HEATR5B: variants seen among roughly 807,000 people sequenced by gnomAD.
The protein encoded by HEATR5B is HEAT repeat-containing protein 5B.
HEATR5B carries 156 observed loss-of-function variants against 224.1 expected under a neutral mutation model. The ratio of observed to expected loss-of-function variants is 0.70; its 90% CI spans 0.61 to 0.80. The LOEUF (loss-of-function observed/expected upper bound fraction) is 0.80, where lower values mean the gene tolerates loss of function less well. HEATR5B is among the 30% of genes least tolerant of loss of function. HEATR5B has a pLI of 0.00. For missense variants in HEATR5B, 2,323 were observed against 2,535.5 expected (o/e 0.92, Z 1.80); for synonymous variants, 1,027 against 893.0 (o/e 1.15, Z -2.68).
rs1222143822 is a variant in HEATR5B, at chr2:37,000,655, C to A, written c.5476G>T (p.Gly1826Cys). 1 of 1,614,070 alleles carries A rather than the reference C, an allele frequency of 6.2e-7. No individual in the cohort carries two copies. The highest frequency in any genetic ancestry group is 2.2e-5 in the East Asian group (1 of 44,896). ...VTLSMAKTEA[G>C]VQKQWTALIR... The stretch of plus-strand genomic sequence containing the variant: ...AGAGCTGTCCACTGTTTTTGAACGC[C>A]AGCCTCAGTTTTGGCCATTGAAAGT... Residue 1826 changes from glycine (G) to cysteine (C), a missense_variant, in exon 33 of 36, where the codon GGC becomes TGC. By Grantham distance (159) the Gly-to-Cys change is radical (BLOSUM62 -3). Coordinates refer to ENST00000233099, the MANE Select transcript of HEATR5B (RefSeq NM_019024.3).
chr2:37,082,513 A>ACGAAACC (rs1436564170), intron 2 of HEATR5B, among the ~76,000 whole-genome samples: 1 of 152,202 alleles, frequency 6.6e-6, no homozygotes, highest in Non-Finnish European at 1.5e-5. Flanking sequence ...GATGGCCATA[A>ACGAAACC]CGAAACCCGA....
chr2:37,046,975 G>C (rs1670239191), intron 18 of HEATR5B, among the ~76,000 whole-genome samples: 1 of 150,144 alleles, frequency 6.7e-6, no homozygotes, highest in Non-Finnish European at 1.5e-5. Context: ...ACTTGAACCT[G>C]GGAGGTGGAG....
At chr2:37,063,447 T>C (rs1671404699) in intron 10 of HEATR5B, among the ~76,000 whole-genome samples, 2 of 152,216 alleles carry the variant, frequency 1.3e-5, no homozygotes, top group African/African-American at 4.8e-5. Flanking sequence ...CAAAGGAGAT[T>C]ATATTTTACT....
At chr2:37,076,819 C>A in intron 4 of HEATR5B, 92 bp downstream of exon 4, 2 of 916,604 alleles carry the variant, frequency 2.2e-6, no homozygotes, top group Admixed American at 4.3e-5. Context: ...AATATGAGAC[C>A]ACAGTGACAG....
chr2:37,068,114 T>C (rs1558371275), intron 8 of HEATR5B, among the ~76,000 whole-genome samples: 1 of 152,160 alleles, frequency 6.6e-6, no homozygotes, highest in Non-Finnish European at 1.5e-5. Flanking sequence ...CTTTATCTCA[T>C]TCATTATTTA....
chr2:37,002,433 G>T lies in HEATR5B; in HGVS notation c.5190C>A (p.Leu1730=). ...MFILVRHMPH[L]STKVSDSPSH... ...TTGGAGAGTCTGACACCTTGGTACT[G>T]AGATGTGGCATATGCCGTACTAAAA... is the stretch of plus-strand genomic sequence containing the variant. The change falls in exon 32 of 36, where the codon CTC becomes CTA. Residue 1730 remains leucine, a synonymous_variant. Coordinates refer to ENST00000233099, the MANE Select transcript of HEATR5B (RefSeq NM_019024.3). 1 of 1,614,202 alleles carries T rather than the reference G, an allele frequency of 6.2e-7. No homozygotes were observed. Among genetic ancestry groups the T allele is most frequent in the Non-Finnish European group, 8.5e-7 (1 of 1,180,040 alleles).
chr2:37,023,368 T>C (rs545758291), intron 24 of HEATR5B, among the ~76,000 whole-genome samples: 3 of 152,330 alleles, frequency 2.0e-5, no homozygotes, highest in Non-Finnish European at 4.4e-5. Flanking sequence ...GCAGTTCCTA[T>C]TTAAAGAAGT....
At chr2:37,021,376 C>T (rs1323511376) in intron 24 of HEATR5B, among the ~76,000 whole-genome samples, 1 of 152,214 alleles carries the variant, frequency 6.6e-6, no homozygotes, top group East Asian at 1.9e-4. Flanking sequence ...CCTCCTCTCA[C>T]AAATTGCTCA....
intron 2 of HEATR5B, among the ~76,000 whole-genome samples, chr2:37,082,588 A>G (rs528570047): frequency 5.3e-4 from 80 of 152,284 alleles, no homozygotes; most frequent in African/African-American, 1.9e-3. Context: ...AAACAATACC[A>G]TGAGCGATCT....
intron 15 of HEATR5B, 60 bp downstream of exon 15, chr2:37,057,257 G>C (rs1670969452): frequency 3.1e-6 from 4 of 1,287,544 alleles, no homozygotes; most frequent in Admixed American, 5.0e-5. Flanking sequence ...AAGTGACAAT[G>C]TGTAATAGGA....
chr2:37,001,174 T>G (rs756495130), intron 32 of HEATR5B, among the ~76,000 whole-genome samples: 39 of 152,238 alleles, frequency 2.6e-4, no homozygotes, highest in Non-Finnish European at 4.9e-4. Flanking sequence ...CTGAGTAACT[T>G]CATGAGTTTT....
rs533459973 is a variant in HEATR5B at position 37,055,411 on chromosome 2, T to C, written c.2399+1029A>G. Among the ~76,000 whole-genome samples the C allele has an allele frequency of 2.1e-4, 32 of 152,306 alleles. No individual in the cohort carries two copies. In the South Asian group the frequency reaches 4.3e-3, roughly 21 times the overall value. On this transcript the variant is annotated intron_variant, in intron 16 of 35. Coordinates refer to ENST00000233099, the MANE Select transcript of HEATR5B (RefSeq NM_019024.3). ...GCTTTCATAACTAGTTGTATAACCT[T>C]GGGTAAACCAAACTCTTAGATATGG...
intron 24 of HEATR5B, among the ~76,000 whole-genome samples, chr2:37,024,420 G>T (rs922841494): frequency 6.6e-6 from 1 of 152,206 alleles, no homozygotes. Flanking sequence ...ATAACTAGGT[G>T]AGGTAATGCA....
chr2:37,027,158 TAA>T (rs749194904), intron 24 of HEATR5B, among the ~76,000 whole-genome samples: 40,326 of 151,968 alleles, frequency 0.27, 5,681 homozygotes, highest in Non-Finnish European at 0.3. Flanking sequence ...CACAATGAAA[TAA>T]CCCAAAAGGC....
intron 26 of HEATR5B, among the ~76,000 whole-genome samples, chr2:37,016,766 T>C (rs1323634088): frequency 6.6e-6 from 1 of 152,140 alleles, no homozygotes; most frequent in Non-Finnish European, 1.5e-5. Context: ...GAAAACGTTT[T>C]AAAAGTGGAG....
At chr2:37,043,563 G>A (rs938407979) in intron 18 of HEATR5B, among the ~76,000 whole-genome samples, 10 of 152,082 alleles carry the variant, frequency 6.6e-5, no homozygotes, top group African/African-American at 2.4e-4. Flanking sequence ...TCACTTTATG[G>A]TCCTGATTTG....
Position 37,070,210 on chromosome 2 carries a change from C to G in HEATR5B, c.927+20G>C, listed in dbSNP as rs200445943. On this transcript the variant is annotated intron_variant, in intron 7 of 35. Coordinates refer to ENST00000233099, the MANE Select transcript of HEATR5B (RefSeq NM_019024.3). ...CCACCGTGCCTGGCCAAAATTCTTT[C>G]ACACATACGTGTTACAAACCTGCGT... 6.2e-7 allele frequency: 1 copy of G among 1,612,196 alleles called. No homozygotes were observed. Among genetic ancestry groups the G allele is most frequent in the African/African-American group, 1.3e-5 (1 of 74,836 alleles).
At chr2:37,031,214 T>TAATAAAC (rs1669108295) in intron 22 of HEATR5B, among the ~76,000 whole-genome samples, 1 of 152,080 alleles carries the variant, frequency 6.6e-6, no homozygotes, top group South Asian at 2.1e-4. Flanking sequence ...CCTTTTGTCA[T>TAATAAAC]AATAAACACA....
intron 27 of HEATR5B, among the ~76,000 whole-genome samples, chr2:37,011,973 TA>T (rs1478376455): frequency 5.3e-5 from 8 of 152,224 alleles, no homozygotes; most frequent in African/African-American, 1.4e-4. Flanking sequence ...AAAGGTTCTA[TA>T]TTTTATATTG....
Sources: gnomAD v4.1 joint callset for allele counts (sites outside exome capture counted in the v4.1 genomes callset) on GRCh38, gnomAD v4.1.1 for gene constraint, MANE v1.5 for transcripts, NCBI Gene and HGNC (gene_info 2026-07-23, HGNC 2026-07-21) for gene names.